Variants in CASKIN1 observed in about 807,000 individuals in gnomAD.
The protein encoded by CASKIN1 is caskin-1.
A neutral mutation model predicts 117.5 loss-of-function variants in CASKIN1; 42 were observed. The ratio of observed to expected loss-of-function variants is 0.36; its 90% CI spans 0.28 to 0.46. CASKIN1 has a LOEUF of 0.46. CASKIN1 is among the 20% of genes least tolerant of loss of function. CASKIN1 has a pLI of 1.00. For synonymous variants in CASKIN1, 1,148 were observed against 961.7 expected, an observed-to-expected ratio of 1.19 and a Z score of -3.59; for missense variants, 2,083 against 2,077.3, an observed-to-expected ratio of 1.00 and a Z score of -0.05.
chr16:2,191,302 A>G (rs963475044), intron 1 of CASKIN1, among the ~76,000 whole-genome samples: 3 of 152,182 alleles, frequency 2.0e-5, no homozygotes, highest in Non-Finnish European at 4.4e-5. Context: ...GGGCTTGCAC[A>G]GTGACCCACA....
At position 2,196,451 on chromosome 16, in the gene CASKIN1, G is replaced by C. The variant is rs747026892; in HGVS notation, c.-19C>G. On this transcript the variant is annotated 5_prime_UTR_variant, in exon 1 of 20. Transcript: ENST00000343516. The surrounding 1 kb of genome is among the most constrained non-coding windows in gnomAD (Gnocchi z 5.7). ...TCCCCATGGCGCGGCCGGGGCCGCA[G>C]CGACGCGGCTGCGCTCGTGAGCTCG... 2.5e-6 allele frequency: 3 copies of C among 1,212,300 alleles called. No individual in the cohort carries two copies. The South Asian group carries it at 5.9e-5, about 24-fold the overall frequency. The allele number at this position is 1,212,300 out of a possible 1,614,324, so 75.1% of individuals were successfully genotyped here. A position where few individuals can be genotyped will look rare whatever the true frequency, so the allele number is the denominator to read the frequency against.
At chr16:2,186,568 C>T (rs2093185331) in intron 10 of CASKIN1, 139 bp downstream of exon 10, 1 of 677,350 alleles carries the variant, frequency 1.5e-6, no homozygotes, top group Non-Finnish European at 2.6e-6. Flanking sequence ...GCTGGGGCAC[C>T]CTGATGCTCC....
At chr16:2,183,546 CCT>C (rs2141317310) in intron 16 of CASKIN1, 98 bp downstream of exon 16, 2 of 1,179,298 alleles carry the variant, frequency 1.7e-6, no homozygotes, top group Non-Finnish European at 2.4e-6. Context: ...CCCTCAAGCC[CCT>C]GAGGGCGGGT....
Position 2,181,037 on chromosome 16 carries a change from G to C in CASKIN1, c.2331C>G (p.Pro777=), listed in dbSNP as rs768920797. 1.2e-4 allele frequency: 178 copies of C among 1,487,562 alleles called. 1 individual carries two copies. Among genetic ancestry groups the C allele is most frequent in the Non-Finnish European group, 1.5e-4 (170 of 1,123,540 alleles). 92.1% of individuals were successfully genotyped at this position (1,487,562 alleles called of 1,614,324 possible). ...LPPGTSHFTP[P]QTPTKTRPGS... Reference sequence around the variant, plus strand: ...CTGGTCGGGTTTTGGTGGGCGTCTGGGGGGGCGTGAAGTGGCTAGTGCCTG... The same window carrying C: ...CTGGTCGGGTTTTGGTGGGCGTCTGCGGGGGCGTGAAGTGGCTAGTGCCTG... Residue 777 remains proline, a synonymous_variant, in exon 18 of 20, where the codon CCC becomes CCG. Coordinates refer to ENST00000343516, the MANE Select transcript of CASKIN1 (RefSeq NM_020764.4).
intron 1 of CASKIN1, among the ~76,000 whole-genome samples, chr16:2,191,000 G>A (rs980119757): frequency 1.3e-5 from 2 of 152,130 alleles, no homozygotes; most frequent in South Asian, 2.1e-4. Context: ...AGGGGCCCAC[G>A]CCCTCCCTTC....
chr16:2,189,591 T>C, intron 3 of CASKIN1, 27 bp from the exon 4 acceptor site: 1 of 1,569,176 alleles, frequency 6.4e-7, no homozygotes, highest in Admixed American at 1.8e-5. Flanking sequence ...TGCTGGGAGC[T>C]GACCCTTGAC....
At position 2,181,336 on chromosome 16, in the gene CASKIN1, G is replaced by A. The variant is rs764593551; in HGVS notation, c.2032C>T (p.Pro678Ser). ...GGGGTGGGTGGCAGGTGGCTGGAGG[G>A]CTTCTCAGTGGTGGGCCCCACCTCA... ...PAEVGPTTEK[P>S]SSHLPPTPRA... The change falls in exon 18 of 20, where the codon CCC (proline) becomes TCC (serine). Residue 678 changes from proline (P) to serine (S), a missense_variant. Coordinates refer to ENST00000343516, the MANE Select transcript of CASKIN1 (RefSeq NM_020764.4). 1.2e-6 allele frequency: 2 copies of A among 1,606,626 alleles called. No homozygotes were observed. The highest frequency in any genetic ancestry group is 1.7e-6 in the Non-Finnish European group (2 of 1,178,682).
intron 19 of CASKIN1, 111 bp downstream of exon 19, chr16:2,178,791 C>A: frequency 8.3e-7 from 1 of 1,198,030 alleles, no homozygotes. Context: ...ACGGCACGCC[C>A]ATCTCTGCCG....
intron 1 of CASKIN1, among the ~76,000 whole-genome samples, chr16:2,192,101 G>A (rs1256209845): frequency 2.0e-5 from 3 of 152,136 alleles, no homozygotes; most frequent in Admixed American, 1.3e-4. Flanking sequence ...AGACCAGCCT[G>A]GCCAACATAG....
At position 2,185,093 on chromosome 16, in the gene CASKIN1, G is replaced by A; in HGVS notation, c.1239+18C>T. The stretch of plus-strand genomic sequence containing the variant: ...TCCCAGCCCTGGCCACCCTGGCCCT[G>A]GCCACTACCCCACCTACCTTGACGC... On this transcript the variant is annotated intron_variant, in intron 12 of 19. Transcript: ENST00000343516. 1 of 1,609,132 alleles carries A rather than the reference G, an allele frequency of 6.2e-7. No individual in the cohort carries two copies. The highest frequency in any genetic ancestry group is 1.7e-5 in the Admixed American group (1 of 59,902).
rs994094112 is a variant in CASKIN1 at position 2,181,610 on chromosome 16, C to T, written c.1769-11G>A. 2.4e-5 allele frequency: 35 copies of T among 1,486,356 alleles called. No homozygotes were observed. The highest frequency in any genetic ancestry group is 1.8e-4 in the Middle Eastern group (1 of 5,708). The allele number at this position is 1,486,356 out of a possible 1,614,324, so 92.1% of individuals were successfully genotyped here. On this transcript the variant is annotated splice_polypyrimidine_tract_variant and intron_variant, in intron 17 of 19. Coordinates refer to ENST00000343516, the MANE Select transcript of CASKIN1 (RefSeq NM_020764.4). ...GCTTCTTCTGGTGCCCTGAGTGGGG[C>T]GCAGGGGGCAGGTCAGGTGGACCAG...
chr16:2,178,872 T>TCCGCC, intron 19 of CASKIN1, 30 bp downstream of exon 19: 1 of 1,354,752 alleles, frequency 7.4e-7, no homozygotes, highest in Non-Finnish European at 9.4e-7. Flanking sequence ...AGCCCCGCCC[T>TCCGCC]CCGCCCGCCA....
Position 2,183,876 on chromosome 16 carries a change from G to A in CASKIN1, c.1482C>T (p.Ile494=). Residue 494 remains isoleucine, a synonymous_variant, in exon 15 of 20, where the codon ATC becomes ATT. Coordinates refer to ENST00000343516, the MANE Select transcript of CASKIN1 (RefSeq NM_020764.4). ...TGGTGGGCAGGTCGTAGCCGGCGCT[G>A]ATGAAGTTGGGGGCGTAGAGCTGCA... ...FQLQLYAPNF[I]SAGYDLPTIS... 6.2e-7 allele frequency: 1 copy of A among 1,612,594 alleles called. No homozygotes were observed. The highest frequency in any genetic ancestry group is 8.5e-7 in the Non-Finnish European group (1 of 1,179,792).
intron 7 of CASKIN1, 28 bp from the exon 8 acceptor site, chr16:2,187,302 C>G (rs371139158): frequency 5.4e-5 from 87 of 1,613,444 alleles, no homozygotes; most frequent in African/African-American, 1.3e-5. Flanking sequence ...GAGGCTCTGT[C>G]AGGAGCCCCT....
At chr16:2,183,522 C>T in intron 16 of CASKIN1, 124 bp downstream of exon 16, 1 of 900,598 alleles carries the variant, frequency 1.1e-6, no homozygotes, top group South Asian at 1.6e-5. Context: ...GCAGGGCATC[C>T]TCCACTCTCC....
At chr16:2,189,398 C>G in intron 4 of CASKIN1, 21 bp downstream of exon 4, 1 of 1,610,212 alleles carries the variant, frequency 6.2e-7, no homozygotes, top group Admixed American at 1.7e-5. Context: ...CCCCGCTGCC[C>G]CGCCCCCGCT....
At chr16:2,188,638 G>A (rs535998254) in intron 6 of CASKIN1, among the ~76,000 whole-genome samples, 24 of 152,242 alleles carry the variant, frequency 1.6e-4, no homozygotes, top group Non-Finnish European at 2.5e-4. Flanking sequence ...AGTGTGAGCC[G>A]CCGGGGCACC....
At position 2,177,818 on chromosome 16, in the gene CASKIN1, G is replaced by A. The variant is rs539856895; in HGVS notation, c.*732C>T. On this transcript the variant is annotated 3_prime_UTR_variant, in exon 20 of 20. Coordinates refer to ENST00000343516, the MANE Select transcript of CASKIN1 (RefSeq NM_020764.4). Reference sequence around the variant, plus strand: ...AGGCACAACCTCGAGTTCTTGGGGCGCAGAGAACTTAGGAGAGAAGCACGG... The same window carrying A: ...AGGCACAACCTCGAGTTCTTGGGGCACAGAGAACTTAGGAGAGAAGCACGG... 1.0e-3 allele frequency: 251 copies of A among 244,372 alleles called. 9 individuals are homozygous for A. In the South Asian group the frequency reaches 0.025, roughly 24 times the overall value. The allele number at this position is 244,372 out of a possible 1,614,324, so 15.1% of individuals were successfully genotyped here.
Position 2,178,493 on chromosome 16 carries a change from A to C in CASKIN1, c.*57T>G, listed in dbSNP as rs2093151878. The C allele has an allele frequency of 1.5e-5, 20 of 1,345,858 alleles. No homozygotes were observed. The highest frequency in any genetic ancestry group is 1.9e-5 in the Non-Finnish European group (19 of 993,892). 83.4% of individuals were successfully genotyped at this position (1,345,858 alleles called of 1,614,324 possible). ...CGCCCAGACGCGCCCATCCTGAGGT[A>C]TAGGTCAGTGTGCGGGGAGGGCCCG... is the stretch of plus-strand genomic sequence containing the variant. On this transcript the variant is annotated 3_prime_UTR_variant, in exon 20 of 20. Transcript: ENST00000343516.
Sources: gnomAD v4.1 joint callset for allele counts (sites outside exome capture counted in the v4.1 genomes callset) on GRCh38, gnomAD v4.1.1 for gene constraint, Gnocchi (gnomAD v3.1) non-coding constraint, MANE v1.5 for transcripts, NCBI Gene and HGNC (gene_info 2026-07-23, HGNC 2026-07-21) for gene names.